Variants in GRIA2 observed in about 807,000 individuals in gnomAD.
GRIA2 encodes glutamate ionotropic receptor AMPA type subunit 2.
Under a neutral mutation model 97.3 loss-of-function variants are expected in GRIA2, and 14 were observed. The ratio of observed to expected loss-of-function variants is 0.14; its 90% CI spans 0.10 to 0.23. The LOEUF is 0.23. Among genes scored for constraint, GRIA2 ranks in the 10% least tolerant of loss-of-function variants. GRIA2 has a pLI of 1.00. For missense variants in GRIA2, 558 were observed against 1,069.8 expected (o/e 0.52, Z 6.67); for synonymous variants, 412 against 387.8 (o/e 1.06, Z -0.73).
intron 2 of GRIA2, among the ~76,000 whole-genome samples, chr4:157,238,163 A>G (rs777417612): frequency 1.3e-5 from 2 of 152,148 alleles, no homozygotes; most frequent in Non-Finnish European, 2.9e-5. Flanking sequence ...GCTATTTATA[A>G]CATAAATTTG....
chr4:157,338,819 G>A (rs192142775), intron 11 of GRIA2, among the ~76,000 whole-genome samples: 63 of 152,092 alleles, frequency 4.1e-4, no homozygotes, highest in African/African-American at 1.4e-3. Context: ...CATTGGAAAA[G>A]TTAATGATTT....
intron 11 of GRIA2, among the ~76,000 whole-genome samples, chr4:157,339,933 AT>A (rs1395810531): frequency 6.6e-6 from 1 of 151,666 alleles, no homozygotes; most frequent in Non-Finnish European, 1.5e-5. Context: ...TTTCATATTT[AT>A]TTTTTTGTAT....
At position 157,312,815 on chromosome 4, in the gene GRIA2, A is replaced by T. The variant is rs755986264; in HGVS notation, c.606A>T (p.Lys202Asn). 6.2e-7 allele frequency: 1 copy of T among 1,612,538 alleles called. No homozygotes were observed. Among genetic ancestry groups the T allele is most frequent in the Non-Finnish European group, 8.5e-7 (1 of 1,178,822 alleles). The change falls in exon 4 of 16, where the codon AAA becomes AAT. Residue 202 changes from lysine (K) to asparagine (N), a missense_variant. By Grantham distance (94) the Lys-to-Asn change is moderately conservative. Coordinates refer to ENST00000264426, the MANE Select transcript of GRIA2 (RefSeq NM_001083619.3). ...CACTTTTTCAAGATCTGGAGTTAAA[A>T]AAGGAACGGCGTGTAATTCTGGACT... ...YRSLFQDLELKKERRVILDCE... is the reference protein window; with the variant it reads ...YRSLFQDLELNKERRVILDCE...
intron 2 of GRIA2, among the ~76,000 whole-genome samples, chr4:157,231,318 C>A (rs1280192190): frequency 6.6e-6 from 1 of 152,106 alleles, no homozygotes; most frequent in Non-Finnish European, 1.5e-5. Context: ...GGATTACAGA[C>A]GTGAGCCACC....
At chr4:157,249,619 T>C (rs1325297219) in intron 2 of GRIA2, 1 of 152,164 alleles carries the variant, frequency 6.6e-6, no homozygotes, top group African/African-American at 2.4e-5. Flanking sequence ...GTGCCTGGGA[T>C]ACAGAAAGTA....
intron 2 of GRIA2, among the ~76,000 whole-genome samples, chr4:157,265,632 G>A (rs1289001724): frequency 2.6e-5 from 4 of 152,036 alleles, no homozygotes; most frequent in South Asian, 2.1e-4. Flanking sequence ...ATATGCAAGA[G>A]GAGAAGAAAT....
At chr4:157,326,366 T>C (rs1238019624) in intron 6 of GRIA2, among the ~76,000 whole-genome samples, 1 of 152,166 alleles carries the variant, frequency 6.6e-6, no homozygotes, top group Admixed American at 6.5e-5. Flanking sequence ...ATCATTTATG[T>C]ATTCATTTCA....
chr4:157,266,267 T>C (rs1429686069), intron 2 of GRIA2, among the ~76,000 whole-genome samples: 1 of 152,092 alleles, frequency 6.6e-6, no homozygotes, highest in Non-Finnish European at 1.5e-5. Context: ...GAGAACTGCA[T>C]TGCATAACTG....
chr4:157,355,969 T>A (rs1447457683), intron 12 of GRIA2, among the ~76,000 whole-genome samples: 152 of 78,536 alleles, frequency 1.9e-3, no homozygotes, highest in Admixed American at 4.7e-3. Context: ...TTATGTATAT[T>A]AATATATATA....
In GRIA2 at chr4:157,364,700, G is replaced by A. The variant is rs1237579805; in HGVS notation, c.*1269G>A. 1.3e-5 allele frequency: 2 copies of A among 151,886 alleles called. No homozygotes were observed. Among genetic ancestry groups the A allele is most frequent in the African/African-American group, 2.4e-5 (1 of 41,348 alleles). 9.4% of individuals were successfully genotyped at this position (151,886 alleles called of 1,614,324 possible). ...TGATTAAATTCCAAAAACTAAATATGTTTTTAGCTTTAAAATTATAAAAGC... is the reference window on the plus strand; with the variant it reads ...TGATTAAATTCCAAAAACTAAATATATTTTTAGCTTTAAAATTATAAAAGC... On this transcript the variant is annotated 3_prime_UTR_variant, in exon 16 of 16. Coordinates refer to ENST00000264426, the MANE Select transcript of GRIA2 (RefSeq NM_001083619.3).
At chr4:157,261,810 T>A (rs1317928887) in intron 2 of GRIA2, among the ~76,000 whole-genome samples, 4 of 152,114 alleles carry the variant, frequency 2.6e-5, no homozygotes, top group Non-Finnish European at 5.9e-5. Context: ...CAAAGCAGTG[T>A]ATAATATTGT....
intron 2 of GRIA2, among the ~76,000 whole-genome samples, chr4:157,261,717 T>A (rs777700177): frequency 3.2e-4 from 48 of 152,174 alleles, no homozygotes; most frequent in Admixed American, 1.4e-3. Flanking sequence ...TATTTGTTAG[T>A]TCAGCTCAGT....
At chr4:157,289,013 T>C (rs1732971114) in intron 2 of GRIA2, among the ~76,000 whole-genome samples, 1 of 151,862 alleles carries the variant, frequency 6.6e-6, no homozygotes, top group Admixed American at 6.6e-5. Context: ...TTTTTAGCGT[T>C]AACCTTCCTC....
At chr4:157,363,137 A>G (rs929205041) in intron 15 of GRIA2, 90 bp downstream of exon 15, 14 of 1,300,584 alleles carry the variant, frequency 1.1e-5, no homozygotes, top group African/African-American at 3.0e-5. Flanking sequence ...AAGGTGGCCA[A>G]TGGATCATCC....
chr4:157,270,638 C>G (rs905659136), intron 2 of GRIA2, among the ~76,000 whole-genome samples: 2 of 152,062 alleles, frequency 1.3e-5, no homozygotes, highest in Non-Finnish European at 2.9e-5. Context: ...AACTCATACT[C>G]TGGCTGGAAA....
At chr4:157,271,495 G>A (rs1230886162) in intron 2 of GRIA2, among the ~76,000 whole-genome samples, 1 of 152,066 alleles carries the variant, frequency 6.6e-6, no homozygotes, top group Admixed American at 6.6e-5. Flanking sequence ...TTATTATAAA[G>A]GATATTACAC....
chr4:157,312,222 A>G (rs990019701), intron 3 of GRIA2, among the ~76,000 whole-genome samples: 17 of 152,100 alleles, frequency 1.1e-4, no homozygotes, highest in African/African-American at 3.9e-4. Flanking sequence ...ACATAGACTT[A>G]CATAGATTCC....
At chr4:157,293,017 T>C (rs1733177031) in intron 2 of GRIA2, among the ~76,000 whole-genome samples, 1 of 152,144 alleles carries the variant, frequency 6.6e-6, no homozygotes, top group African/African-American at 2.4e-5. Context: ...AAATGAAATG[T>C]CATTTTTACC....
chr4:157,232,752 T>C (rs966176764), intron 2 of GRIA2, among the ~76,000 whole-genome samples: 2 of 152,248 alleles, frequency 1.3e-5, no homozygotes, highest in East Asian at 1.9e-4. Flanking sequence ...CACAAGTTTT[T>C]CATCTGCGAA....
Sources: allele counts gnomAD v4.1 joint callset (sites outside exome capture counted in the v4.1 genomes callset), GRCh38; gene constraint gnomAD v4.1.1; transcripts MANE v1.5; gene names NCBI Gene and HGNC (gene_info 2026-07-23, HGNC 2026-07-21).